The following LIMD2 variants were observed in gnomAD, a reference collection of about 807,000 sequenced individuals.
The protein encoded by LIMD2 is LIM domain-containing protein 2.
Under a neutral mutation model 16.0 loss-of-function variants are expected in LIMD2, and 11 were observed. The observed-to-expected ratio is 0.69, with a 90% CI of 0.43 to 1.14. LIMD2 has a LOEUF of 1.14. LIMD2 is among the 50% of genes most tolerant of loss of function. The pLI is 0.00. For missense variants in LIMD2, 168 were observed against 165.8 expected, an observed-to-expected ratio of 1.01 and a Z score of -0.07; for synonymous variants, 60 against 67.1, an observed-to-expected ratio of 0.89 and a Z score of 0.52.
In LIMD2 at chr17:63,698,154, G is replaced by C. The variant is rs563504003; in HGVS notation, c.*398C>G. 50 of 220,380 alleles carry C rather than the reference G, an allele frequency of 2.3e-4. No individual in the cohort carries two copies. Among genetic ancestry groups the C allele is most frequent in the Admixed American group, 3.1e-4 (6 of 19,196 alleles). 13.7% of individuals were successfully genotyped at this position (220,380 alleles called of 1,614,324 possible). ...AAACAGGTTAAGGGTAGAGGTAGATGGGGAGACGTGGGGGCCACACAGTCT... is the reference window on the plus strand; with the variant it reads ...AAACAGGTTAAGGGTAGAGGTAGATCGGGAGACGTGGGGGCCACACAGTCT... On this transcript the variant is annotated 3_prime_UTR_variant, in exon 5 of 5. Coordinates refer to ENST00000259006, the MANE Select transcript of LIMD2 (RefSeq NM_030576.4).
chr17:63,699,520 T>G, intron 1 of LIMD2, 172 bp from the exon 2 acceptor site: 2 of 571,658 alleles, frequency 3.5e-6, no homozygotes, highest in African/African-American at 2.0e-5. Context: ...CCACCCCTGC[T>G]CCCCAGGGGC....
Position 63,696,261 on chromosome 17 carries a change from C to T in LIMD2, c.*2291G>A, listed in dbSNP as rs989772079. 1 of 152,614 alleles carries T rather than the reference C, an allele frequency of 6.6e-6. No homozygotes were observed. The highest frequency in any genetic ancestry group is 1.5e-5 in the Non-Finnish European group (1 of 68,060). 9.5% of individuals were successfully genotyped at this position (152,614 alleles called of 1,614,324 possible). ...TGACCGAGGGCTTGCAGTGCAAAGC[C>T]AGGCCAGTGTTGCGCATTACTTACA... On this transcript the variant is annotated 3_prime_UTR_variant, in exon 5 of 5. Transcript: ENST00000259006.
At position 63,698,779 on chromosome 17, in the gene LIMD2, C is replaced by CGGGCA; in HGVS notation, c.224+15_224+19dup. On this transcript the variant is annotated intron_variant, in intron 4 of 4. Transcript: ENST00000259006. ...GCTGGGTTGGCAGGCGAGGCGGGGG[C>CGGGCA]GGGCAGGGCAGGGGCGCACCTGAGC... The CGGGCA allele has an allele frequency of 1.1e-6, 1 of 926,528 alleles. No homozygotes were observed. The highest frequency in any genetic ancestry group is 1.6e-6 in the Non-Finnish European group (1 of 619,324). The allele number at this position is 926,528 out of a possible 1,614,324, so 57.4% of individuals were successfully genotyped here.
At chr17:63,699,161 A>C (rs1379564940) in intron 2 of LIMD2, 92 bp from the exon 3 acceptor site, 2 of 1,582,652 alleles carry the variant, frequency 1.3e-6, no homozygotes. Flanking sequence ...GGCGCGCCGC[A>C]GGGCACAAAG....
chr17:63,700,000 C>A (rs2035761279), intron 1 of LIMD2, 32 bp downstream of exon 1: 4 of 983,966 alleles, frequency 4.1e-6, no homozygotes, highest in Non-Finnish European at 4.8e-6. Flanking sequence ...GGTTCCGGAG[C>A]CGGACGCGGC....
Position 63,698,252 on chromosome 17 carries a change from T to G in LIMD2, c.*300A>C. The G allele has an allele frequency of 4.8e-6, 2 of 420,652 alleles. No individual in the cohort carries two copies. Among genetic ancestry groups the G allele is most frequent in the South Asian group, 2.8e-5 (1 of 35,706 alleles). 26.1% of individuals were successfully genotyped at this position (420,652 alleles called of 1,614,324 possible). ...CCTTGCTGGAGAAAAGGCACCTAGA[T>G]AGGGGAGCTGGGCTTGGGGGCCTCC... On this transcript the variant is annotated 3_prime_UTR_variant, in exon 5 of 5. Transcript: ENST00000259006.
chr17:63,698,983 C>A, intron 3 of LIMD2, 45 bp from the exon 4 acceptor site: 1 of 1,610,898 alleles, frequency 6.2e-7, no homozygotes, highest in Non-Finnish European at 8.5e-7. Context: ...GCTCATCCCG[C>A]TCCCTCACAC....
chr17:63,700,086 A>C lies in LIMD2; in HGVS notation c.-105T>G. 1 of 984,142 alleles carries C rather than the reference A, an allele frequency of 1.0e-6. No individual in the cohort carries two copies. Among genetic ancestry groups the C allele is most frequent in the Non-Finnish European group, 1.2e-6 (1 of 829,304 alleles). 61.0% of individuals were successfully genotyped at this position (984,142 alleles called of 1,614,324 possible). ...CGGTCTCCGGGGGCGCACGGGTACG[A>C]GGAGGGCGCGGGCGCGAGCTGCTGC... On this transcript the variant is annotated 5_prime_UTR_variant, in exon 1 of 5. Coordinates refer to ENST00000259006, the MANE Select transcript of LIMD2 (RefSeq NM_030576.4). The surrounding 1 kb of genome is among the most constrained non-coding windows in gnomAD (Gnocchi z 7.1).
upstream of LIMD2, chr17:63,700,353 C>T (rs1374482601): frequency 5.1e-6 from 1 of 196,074 alleles, no homozygotes; most frequent in Non-Finnish European, 9.2e-6. This position sits in a 1 kb window ranked among gnomAD's most constrained non-coding sequence, Gnocchi z 7.1. Flanking sequence ...GCCTCGCGCT[C>T]GCAGGCCTCG....
In LIMD2 at chr17:63,697,897, G is replaced by A. The variant is rs921298903; in HGVS notation, c.*655C>T. ...GGGAGCGGGGGAGGGGAGTGGGGCC[G>A]CACCAGCCCCTGCCAGTGCCTGAGG... is the stretch of plus-strand genomic sequence containing the variant. On this transcript the variant is annotated 3_prime_UTR_variant, in exon 5 of 5. Transcript: ENST00000259006. 2 of 153,124 alleles carry A rather than the reference G, an allele frequency of 1.3e-5. No individual in the cohort carries two copies. Among genetic ancestry groups the A allele is most frequent in the Middle Eastern group, 3.1e-3 (1 of 322 alleles). 9.5% of individuals were successfully genotyped at this position (153,124 alleles called of 1,614,324 possible).
rs2035761652 is a variant in LIMD2 at position 63,700,018 on chromosome 17, C to G, written c.-51+14G>C. ...TCCGGAGCCGGACGCGGCCCCTCCC[C>G]CCGCGGCTCTCACCAGGCCCGGCCT... On this transcript the variant is annotated intron_variant, in intron 1 of 4. Transcript: ENST00000259006. The surrounding 1 kb of genome is among the most constrained non-coding windows in gnomAD (Gnocchi z 7.1). The G allele has an allele frequency of 1.0e-6, 1 of 984,242 alleles. No individual in the cohort carries two copies. 61.0% of individuals were successfully genotyped at this position (984,242 alleles called of 1,614,324 possible).
Position 63,698,831 on chromosome 17 carries a change from G to C in LIMD2, c.192C>G (p.Cys64Trp). 6.2e-7 allele frequency: 1 copy of C among 1,612,624 alleles called. No homozygotes were observed. Among genetic ancestry groups the C allele is most frequent in the Non-Finnish European group, 8.5e-7 (1 of 1,179,870 alleles). The change falls in exon 4 of 5, where the codon TGC (cysteine) becomes TGG (tryptophan). Residue 64 changes from cysteine (C) to tryptophan (W), a missense_variant. Physicochemically the swap from Cys to Trp is radical, Grantham distance 215. Transcript: ENST00000259006. ...TGGTGTGACAGTGCTTGCAGCAGAA[G>C]CAAGAGTTGTGGAAAATGAGCTTGT... The part of the protein sequence containing the change: ...VADKLIFHNS[C>W]FCCKHCHTKL...
In LIMD2 at chr17:63,700,019, C is replaced by A; in HGVS notation, c.-51+13G>T. ...CCGGAGCCGGACGCGGCCCCTCCCC[C>A]CGCGGCTCTCACCAGGCCCGGCCTG... On this transcript the variant is annotated intron_variant, in intron 1 of 4. Coordinates refer to ENST00000259006, the MANE Select transcript of LIMD2 (RefSeq NM_030576.4). The surrounding 1 kb of genome is among the most constrained non-coding windows in gnomAD (Gnocchi z 7.1). 3.0e-6 allele frequency: 3 copies of A among 984,206 alleles called. No homozygotes were observed. The highest frequency in any genetic ancestry group is 3.6e-6 in the Non-Finnish European group (3 of 829,338). The allele number at this position is 984,206 out of a possible 1,614,324, so 61.0% of individuals were successfully genotyped here.
At position 63,697,971 on chromosome 17, in the gene LIMD2, C is replaced by T. The variant is rs1032758087; in HGVS notation, c.*581G>A. ...CTTCTGCTTCTCCACGCTGGTGGTT[C>T]GAGATGGTCCCAAGCCCCACTGGGG... On this transcript the variant is annotated 3_prime_UTR_variant, in exon 5 of 5. Transcript: ENST00000259006. 4 of 153,350 alleles carry T rather than the reference C, an allele frequency of 2.6e-5. No individual in the cohort carries two copies. Among genetic ancestry groups the T allele is most frequent in the Non-Finnish European group, 5.8e-5 (4 of 68,692 alleles). The allele number at this position is 153,350 out of a possible 1,614,324, so 9.5% of individuals were successfully genotyped here. A position where few individuals can be genotyped will look rare whatever the true frequency, so the allele number is the denominator to read the frequency against.
chr17:63,700,670 G>T (rs2035771748), upstream of LIMD2: 1 of 150,868 alleles, frequency 6.6e-6, no homozygotes, highest in Non-Finnish European at 1.5e-5. This position sits in a 1 kb window ranked among gnomAD's most constrained non-coding sequence, Gnocchi z 7.1. Flanking sequence ...GCCTGGCCCG[G>T]GGTCCCTCGG....
rs1568162802 is a variant in LIMD2, at chr17:63,699,011, C to A, written c.84+17G>T. On this transcript the variant is annotated intron_variant, in intron 3 of 4. Transcript: ENST00000259006. Reference sequence around the variant, plus strand: ...CCTCACACCCCTCCTCCCGCACACCCGGCCCCAGGCCCCTACCTTGGAGCG... The same window carrying A: ...CCTCACACCCCTCCTCCCGCACACCAGGCCCCAGGCCCCTACCTTGGAGCG... The A allele has an allele frequency of 6.2e-7, 1 of 1,609,724 alleles. No homozygotes were observed. The highest frequency in any genetic ancestry group is 8.5e-7 in the Non-Finnish European group (1 of 1,178,224).
In LIMD2 at chr17:63,698,088, T is replaced by A. The variant is rs1458805411; in HGVS notation, c.*464A>T. The A allele has an allele frequency of 5.8e-6, 1 of 171,134 alleles. No individual in the cohort carries two copies. Among genetic ancestry groups the A allele is most frequent in the South Asian group, 1.2e-4 (1 of 8,044 alleles). 10.6% of individuals were successfully genotyped at this position (171,134 alleles called of 1,614,324 possible). ...AGGGGCATTTATGATGCCCAACAGG[T>A]GGCACTGTCGCGCTCCTTCCTCCCT... On this transcript the variant is annotated 3_prime_UTR_variant, in exon 5 of 5. Coordinates refer to ENST00000259006, the MANE Select transcript of LIMD2 (RefSeq NM_030576.4).
At position 63,698,447 on chromosome 17, in the gene LIMD2, TC is replaced by T. The variant is rs1385929580; in HGVS notation, c.*104del. ...GTCCCCTACGCCTGAGCAAGCCTCA[TC>T]CCCTTCCCACCTGGCCCCCACGCAA... is the stretch of plus-strand genomic sequence containing the variant. On this transcript the variant is annotated 3_prime_UTR_variant, in exon 5 of 5. Transcript: ENST00000259006. 1.5e-6 allele frequency: 2 copies of T among 1,323,994 alleles called. No individual in the cohort carries two copies. The highest frequency in any genetic ancestry group is 2.9e-5 in the African/African-American group (2 of 68,520). 82.0% of individuals were successfully genotyped at this position (1,323,994 alleles called of 1,614,324 possible). A position where few individuals can be genotyped will look rare whatever the true frequency, so the allele number is the denominator to read the frequency against.
rs1175191862 is a variant in LIMD2 at position 63,696,107 on chromosome 17, T to G, written c.*2445A>C. On this transcript the variant is annotated 3_prime_UTR_variant, in exon 5 of 5. Coordinates refer to ENST00000259006, the MANE Select transcript of LIMD2 (RefSeq NM_030576.4). ...ATGGAGAGGCCAGGGCTGGGGACAG[T>G]CCGCACTCTGCCACCCTCCTGCCCC... The G allele has an allele frequency of 6.6e-6, 1 of 152,316 alleles. No individual in the cohort carries two copies. Among genetic ancestry groups the G allele is most frequent in the Non-Finnish European group, 1.5e-5 (1 of 68,060 alleles). 9.4% of individuals were successfully genotyped at this position (152,316 alleles called of 1,614,324 possible).
Sources: allele counts gnomAD v4.1 joint callset, GRCh38; gene constraint gnomAD v4.1.1; non-coding constraint Gnocchi (gnomAD v3.1); transcripts MANE v1.5; gene names NCBI Gene and HGNC (gene_info 2026-07-23, HGNC 2026-07-21).